Variants in EPHB1 observed in about 807,000 individuals in gnomAD.
The protein encoded by EPHB1 is ephrin type-B receptor 1.
Under a neutral mutation model 94.4 loss-of-function variants are expected in EPHB1, and 30 were observed. The observed-to-expected ratio is 0.32, with a 90% CI of 0.24 to 0.43. The LOEUF is 0.43. EPHB1 is among the 20% of genes least tolerant of loss of function. EPHB1 has a pLI of 1.00. For synonymous variants in EPHB1, 522 were observed against 489.1 expected, an observed-to-expected ratio of 1.07 and a Z score of -0.89; for missense variants, 1,055 against 1,308.3, an observed-to-expected ratio of 0.81 and a Z score of 2.99.
chr3:135,194,124 G>A (rs966494995), intron 11 of EPHB1, among the ~76,000 whole-genome samples: 10 of 152,198 alleles, frequency 6.6e-5, no homozygotes, highest in African/African-American at 2.4e-4. Context: ...GGCACATAGT[G>A]TCACTTCCAA....
intron 3 of EPHB1, among the ~76,000 whole-genome samples, chr3:135,097,052 T>C (rs1446151534): frequency 1.5e-5 from 2 of 135,402 alleles, no homozygotes; most frequent in East Asian, 2.2e-4. Context: ...GCTGAGATCA[T>C]GCCACTGCAC....
intron 3 of EPHB1, among the ~76,000 whole-genome samples, chr3:135,028,984 CTTCT>C (rs1349767155): frequency 1.5e-5 from 2 of 134,734 alleles, no homozygotes; most frequent in Admixed American, 1.6e-4. Flanking sequence ...ATGTAATGGC[CTTCT>C]TTGTCTCTTT....
chr3:134,890,999 A>G (rs968862044), intron 1 of EPHB1, among the ~76,000 whole-genome samples: 6 of 152,194 alleles, frequency 3.9e-5, no homozygotes, highest in African/African-American at 1.2e-4. Flanking sequence ...AATGTTGACC[A>G]TGCTTTCCTC....
At chr3:134,808,148 CAGAT>C (rs2108284966) in intron 1 of EPHB1, among the ~76,000 whole-genome samples, 4 of 152,336 alleles carry the variant, frequency 2.6e-5, no homozygotes, top group African/African-American at 9.6e-5. Flanking sequence ...ACTTCATCCT[CAGAT>C]AGGCTTTCTC....
chr3:135,064,142 A>C (rs1017814337), intron 3 of EPHB1, among the ~76,000 whole-genome samples: 6 of 151,800 alleles, frequency 4.0e-5, no homozygotes, highest in African/African-American at 1.5e-4. Flanking sequence ...CACGGATATT[A>C]ATCTGTAGTT....
In EPHB1 at chr3:134,951,516, G is replaced by T. The variant is rs1449079060; in HGVS notation, c.269G>T (p.Arg90Leu). 3 of 1,613,804 alleles carry T rather than the reference G, an allele frequency of 1.9e-6. No homozygotes were observed. The highest frequency in any genetic ancestry group is 1.1e-5 in the South Asian group (1 of 91,062). Residue 90 changes from arginine to leucine, a missense_variant, in exon 3 of 16, where the codon CGC (arginine) becomes CTC (leucine). Arg to Leu is a moderately radical substitution (Grantham distance 102). Coordinates refer to ENST00000398015, the MANE Select transcript of EPHB1 (RefSeq NM_004441.5). This position sits in a 1 kb window ranked among gnomAD's most constrained non-coding sequence, Gnocchi z 4.5. The part of the protein sequence containing the change: ...RGAHRIYTEM[R>L]FTVRDCSSLP... ...GCCCATCGCATCTACACAGAGATGC[G>T]CTTCACTGTGAGAGACTGCAGCAGC...
intron 1 of EPHB1, among the ~76,000 whole-genome samples, chr3:134,861,250 A>G (rs1466874852): frequency 6.6e-6 from 1 of 152,250 alleles, no homozygotes; most frequent in Admixed American, 6.5e-5. Context: ...AGATAATGCC[A>G]TTCAAGAGTT....
chr3:135,041,912 A>G (rs1260125430), intron 3 of EPHB1, among the ~76,000 whole-genome samples: 1 of 151,984 alleles, frequency 6.6e-6, no homozygotes, highest in South Asian at 2.1e-4. Context: ...AGAGCACACA[A>G]AAGAGGGGAT....
At chr3:134,860,437 T>G (rs1012451337) in intron 1 of EPHB1, among the ~76,000 whole-genome samples, 1 of 152,068 alleles carries the variant, frequency 6.6e-6, no homozygotes, top group African/African-American at 2.4e-5. Context: ...GTGCCCTCCT[T>G]AGGGATTTTC....
intron 1 of EPHB1, among the ~76,000 whole-genome samples, chr3:134,918,548 C>T (rs911275533): frequency 3.3e-5 from 5 of 152,128 alleles, no homozygotes; most frequent in African/African-American, 9.7e-5. Context: ...ACCAACATCC[C>T]CTACCCAGCA....
intron 10 of EPHB1, 110 bp downstream of exon 10, chr3:135,180,092 C>T: frequency 7.8e-7 from 1 of 1,285,178 alleles, no homozygotes; most frequent in Non-Finnish European, 1.1e-6. Flanking sequence ...AGGAGAGCTT[C>T]TATCTTCTTT....
At chr3:134,995,987 C>CT (rs950634010) in intron 3 of EPHB1, among the ~76,000 whole-genome samples, 24 of 151,582 alleles carry the variant, frequency 1.6e-4, no homozygotes, top group Non-Finnish European at 2.7e-4. Context: ...TGCTTTATGA[C>CT]TTTTTTTTAC....
chr3:134,841,281 CAGACCCAGCCAGGA>C (rs1424541403), intron 1 of EPHB1, among the ~76,000 whole-genome samples: 1 of 152,198 alleles, frequency 6.6e-6, no homozygotes, highest in Admixed American at 6.5e-5. Context: ...CAGCCATGTT[CAGACCCAGCCAGGA>C]AGCCTTAGAG....
chr3:135,079,840 C>T (rs1409177122), intron 3 of EPHB1, among the ~76,000 whole-genome samples: 1 of 152,088 alleles, frequency 6.6e-6, no homozygotes, highest in Non-Finnish European at 1.5e-5. Flanking sequence ...CCCTTCCCTG[C>T]CTCCCTTCAC....
At chr3:134,979,932 T>G (rs537882964) in intron 3 of EPHB1, among the ~76,000 whole-genome samples, 1 of 152,324 alleles carries the variant, frequency 6.6e-6, no homozygotes, top group African/African-American at 2.4e-5. Flanking sequence ...TGTTGTTACT[T>G]TGCGGCCCAA....
chr3:135,021,894 C>T (rs757474220), intron 3 of EPHB1, among the ~76,000 whole-genome samples: 2 of 152,198 alleles, frequency 1.3e-5, no homozygotes, highest in Admixed American at 6.5e-5. Context: ...GATCAACTGA[C>T]ATGAAATTTT....
chr3:134,845,705 T>C (rs60931664), intron 1 of EPHB1, among the ~76,000 whole-genome samples: 17,182 of 152,234 alleles, frequency 0.11, 954 homozygotes, highest in South Asian at 0.19. Context: ...GCAGTAACGG[T>C]TATATACATG....
At chr3:135,031,039 C>T (rs1292621770) in intron 3 of EPHB1, among the ~76,000 whole-genome samples, 1 of 152,180 alleles carries the variant, frequency 6.6e-6, no homozygotes, top group East Asian at 1.9e-4. Context: ...CTCCCTGACC[C>T]CTTGCGCTTC....
chr3:134,967,018 A>C (rs759500740), intron 3 of EPHB1, among the ~76,000 whole-genome samples: 1 of 152,164 alleles, frequency 6.6e-6, no homozygotes, highest in Non-Finnish European at 1.5e-5. Flanking sequence ...CCTTTATTCA[A>C]CCAGCCTCAC....
Sources: gnomAD v4.1 joint callset for allele counts (sites outside exome capture counted in the v4.1 genomes callset) on GRCh38, gnomAD v4.1.1 for gene constraint, Gnocchi (gnomAD v3.1) non-coding constraint, MANE v1.5 for transcripts, NCBI Gene and HGNC (gene_info 2026-07-23, HGNC 2026-07-21) for gene names.